HYDIN: variants seen among roughly 807,000 people sequenced by gnomAD.
HYDIN encodes the protein HYDIN axonemal central pair apparatus protein.
Under a neutral mutation model 403.9 loss-of-function variants are expected in HYDIN, and 132 were observed. That is an observed-to-expected ratio of 0.33 (90% CI 0.28 to 0.38). The LOEUF (loss-of-function observed/expected upper bound fraction) is 0.38, where lower values mean the gene tolerates loss of function less well. HYDIN is among the 10% of genes least tolerant of loss of function. The pLI is 1.00. For synonymous variants in HYDIN, 1,202 were observed against 1,891.7 expected (o/e 0.64, Z 9.46); for missense variants, 2,827 against 5,009.5 (o/e 0.56, Z 13.15).
At position 70,872,079 on chromosome 16, in the gene HYDIN, C is replaced by A; in HGVS notation, c.11049G>T (p.Arg3683=). The A allele has an allele frequency of 6.4e-7, 1 of 1,563,784 alleles. No individual in the cohort carries two copies. Among genetic ancestry groups the A allele is most frequent in the South Asian group, 1.2e-5 (1 of 81,198 alleles). ...VTNHSQVNLI[R]FEWPVSATIA... ...TTGTAGCTGAAACAGGCCATTCAAA[C>A]CGTATCAAGTTCACTTGGCTGTGAT... Residue 3683 remains arginine, a synonymous_variant, in exon 65 of 86, where the codon CGG becomes CGT. Transcript: ENST00000393567.
intron 1 of HYDIN, among the ~76,000 whole-genome samples, chr16:71,198,548 G>A (rs1010969934): frequency 6.6e-6 from 1 of 152,118 alleles, no homozygotes; most frequent in African/African-American, 2.4e-5. Flanking sequence ...TCTGGGCTCT[G>A]TTCTACTAGC....
intron 84 of HYDIN, among the ~76,000 whole-genome samples, chr16:70,813,214 G>C (rs1164206491): frequency 2.0e-5 from 3 of 152,052 alleles, no homozygotes; most frequent in African/African-American, 7.3e-5. Context: ...GCCTCCCACA[G>C]TGCTGGGATT....
intron 43 of HYDIN, chr16:70,941,414 A>C (rs1466831637): frequency 5.7e-6 from 2 of 350,420 alleles, no homozygotes; most frequent in East Asian, 8.7e-5. Flanking sequence ...TAATTGCAGA[A>C]AGGATGGAGG....
intron 1 of HYDIN, among the ~76,000 whole-genome samples, chr16:71,187,371 G>A (rs956318283): frequency 6.6e-6 from 1 of 152,138 alleles, no homozygotes; most frequent in Non-Finnish European, 1.5e-5. Flanking sequence ...AGATAAGACA[G>A]GCAAAGGAAA....
chr16:70,831,379 G>A (rs899090536), intron 80 of HYDIN, among the ~76,000 whole-genome samples: 11 of 149,668 alleles, frequency 7.3e-5, no homozygotes, highest in African/African-American at 2.5e-4. Context: ...GCATGATGGT[G>A]GGGGCCTGTA....
At chr16:71,224,321 C>CTACA (rs1428559569) in intron 1 of HYDIN, among the ~76,000 whole-genome samples, 1 of 152,104 alleles carries the variant, frequency 6.6e-6, no homozygotes, top group Non-Finnish European at 1.5e-5. Context: ...GGATAAAAGA[C>CTACA]TACATATTGG....
chr16:71,059,815 A>G (rs1037040001), intron 18 of HYDIN, among the ~76,000 whole-genome samples: 2 of 152,230 alleles, frequency 1.3e-5, no homozygotes, highest in Admixed American at 1.3e-4. Flanking sequence ...TGAATTTTCA[A>G]CCGCATGGGG....
intron 10 of HYDIN, 110 bp downstream of exon 10, chr16:71,115,586 C>T: frequency 6.1e-6 from 4 of 658,452 alleles, no homozygotes; most frequent in South Asian, 2.0e-5. Context: ...CATGTACCGC[C>T]CATGGCATGA....
At position 71,020,217 on chromosome 16, in the gene HYDIN, A is replaced by G. The variant is rs2080430850; in HGVS notation, c.3287T>C (p.Phe1096Ser). The G allele has an allele frequency of 1.2e-6, 2 of 1,613,824 alleles. No homozygotes were observed. The highest frequency in any genetic ancestry group is 1.7e-6 in the Non-Finnish European group (2 of 1,179,934). The change falls in exon 22 of 86, where the codon TTT (phenylalanine) becomes TCT (serine). Residue 1096 changes from phenylalanine to serine, a missense_variant. By Grantham distance (155) the Phe-to-Ser change is radical. Transcript: ENST00000393567. ...CAGGGATTTATCAGTCTCACATATAAAGAAGGGTCCAGATGTTGACAGCAA... is the reference window on the plus strand; with the variant it reads ...CAGGGATTTATCAGTCTCACATATAGAGAAGGGTCCAGATGTTGACAGCAA... Reference protein sequence around the residue: ...NLLLSTSGPFFICETDKSLLP... With the variant: ...NLLLSTSGPFSICETDKSLLP...
intron 1 of HYDIN, chr16:71,204,056 C>T (rs1458800233): frequency 4.8e-6 from 1 of 209,794 alleles, no homozygotes; most frequent in African/African-American, 2.3e-5. Flanking sequence ...CAGAGTCAGA[C>T]TCTGTCTCAA....
chr16:71,175,452 C>A (rs1331067349), intron 5 of HYDIN, among the ~76,000 whole-genome samples, 155 bp downstream of exon 5: 1 of 151,764 alleles, frequency 6.6e-6, no homozygotes, highest in African/African-American at 2.4e-5. Context: ...ACCAATACCA[C>A]CAACAACAAC....
chr16:70,920,989 T>C lies in HYDIN; in HGVS notation c.7387A>G (p.Thr2463Ala), dbSNP rs777940507. The C allele has an allele frequency of 4.4e-6, 7 of 1,587,202 alleles. No homozygotes were observed. The South Asian group carries it at 7.9e-5, about 18-fold the overall frequency. The change falls in exon 46 of 86, where the codon ACA (threonine) becomes GCA (alanine). Residue 2463 changes from threonine (T) to alanine (A), a missense_variant. Coordinates refer to ENST00000393567, the MANE Select transcript of HYDIN (RefSeq NM_001270974.2). ...AGGATGTTCTGGACATCCTTCAGTG[T>C]CAATTCATAGGTCTTAAACTTCGGG... ...LAPKFKTYELTLKDVQNILMY... is the reference protein window; with the variant it reads ...LAPKFKTYELALKDVQNILMY...
rs773146625 is a variant in HYDIN, at chr16:70,920,903, G to T, written c.7473C>A (p.Pro2491=). The T allele has an allele frequency of 6.2e-6, 10 of 1,613,450 alleles. No individual in the cohort carries two copies. The South Asian group carries it at 9.9e-5, about 16-fold the overall frequency. ...CCTGGCGCTGGTCGTCGGGCTCATG[G>T]GGCGCTTCCTCCATCCCTGCAGGAG... The part of the protein sequence containing the change: ...QLPPAGMEEA[P]HEPDDQRQVP... The change falls in exon 46 of 86, where the codon CCC becomes CCA. Residue 2491 remains proline, a synonymous_variant. Transcript: ENST00000393567.
intron 81 of HYDIN, among the ~76,000 whole-genome samples, chr16:70,829,381 G>A (rs2036808966): frequency 1.3e-5 from 2 of 149,476 alleles, no homozygotes; most frequent in South Asian, 4.2e-4. Flanking sequence ...TTACAGGTGT[G>A]CACCACCATG....
At chr16:70,945,389 T>C (rs1183602708) in intron 41 of HYDIN, among the ~76,000 whole-genome samples, 1 of 152,156 alleles carries the variant, frequency 6.6e-6, no homozygotes, top group East Asian at 1.9e-4. Flanking sequence ...AGAATCACTT[T>C]TTGGATATAA....
intron 53 of HYDIN, among the ~76,000 whole-genome samples, 185 bp downstream of exon 53, chr16:70,900,819 T>G (rs997319925): frequency 2.1e-5 from 3 of 140,248 alleles, no homozygotes; most frequent in African/African-American, 8.1e-5. Flanking sequence ...TAAGCAATAT[T>G]GCCTCTATGG....
At chr16:70,867,972 T>C (rs2039858407) in intron 66 of HYDIN, among the ~76,000 whole-genome samples, 1 of 152,104 alleles carries the variant, frequency 6.6e-6, no homozygotes. Flanking sequence ...CCTGGCCTGA[T>C]ATACCTTTTA....
intron 73 of HYDIN, among the ~76,000 whole-genome samples, chr16:70,851,442 A>G (rs1477850508): frequency 2.7e-5 from 4 of 150,528 alleles, no homozygotes; most frequent in African/African-American, 7.5e-5. Flanking sequence ...TCTCAAAAGG[A>G]AACAGAAAAG....
intron 23 of HYDIN, among the ~76,000 whole-genome samples, chr16:70,998,588 T>C (rs1244440378): frequency 7.6e-6 from 1 of 132,010 alleles, no homozygotes; most frequent in Non-Finnish European, 1.5e-5. Context: ...TTCTCAGCTA[T>C]CTAACTTTGC....
Sources: allele counts gnomAD v4.1 joint callset (sites outside exome capture counted in the v4.1 genomes callset), GRCh38; gene constraint gnomAD v4.1.1; transcripts MANE v1.5; gene names NCBI Gene and HGNC (gene_info 2026-07-23, HGNC 2026-07-21).